AATK: variants seen among roughly 807,000 people sequenced by gnomAD.
AATK encodes serine/threonine-protein kinase LMTK1.
In AATK, 91 loss-of-function variants were observed where a neutral mutation model predicts 114.3. That is an observed-to-expected ratio of 0.80 (90% CI 0.67 to 0.95). AATK has a LOEUF of 0.95. Among genes scored for constraint, AATK ranks in the 40% least tolerant of loss-of-function variants. AATK has a pLI of 0.00. For synonymous variants in AATK, 1,075 were observed against 916.5 expected, an observed-to-expected ratio of 1.17 and a Z score of -3.12; for missense variants, 2,176 against 1,965.2, an observed-to-expected ratio of 1.11 and a Z score of -2.03.
intron 9 of AATK, among the ~76,000 whole-genome samples, chr17:81,124,503 C>T (rs774799308): frequency 1.3e-5 from 2 of 152,330 alleles, no homozygotes; most frequent in East Asian, 1.9e-4. Flanking sequence ...TGGCCCTGTA[C>T]GTATGCCTTG....
intron 1 of AATK, among the ~76,000 whole-genome samples, chr17:81,156,074 C>CTATGTTACAATG (rs539541751): frequency 4.2e-5 from 6 of 142,808 alleles, no homozygotes; most frequent in South Asian, 2.2e-4. Context: ...ATGTATGTTA[C>CTATGTTACAATG]TATGTTACAA....
At chr17:81,138,166 C>T (rs565586074) in intron 1 of AATK, among the ~76,000 whole-genome samples, 156 of 151,150 alleles carry the variant, frequency 1.0e-3, no homozygotes, top group African/African-American at 3.8e-3. Flanking sequence ...CACATGCACA[C>T]ACACACTTAC....
At chr17:81,141,062 C>T (rs1469558595) in intron 1 of AATK, among the ~76,000 whole-genome samples, 3 of 147,128 alleles carry the variant, frequency 2.0e-5, no homozygotes, top group Admixed American at 1.4e-4. Flanking sequence ...GCCGTGGGGC[C>T]GTGGGGGCTA....
At chr17:81,164,812 C>T (rs993594671) in intron 1 of AATK, among the ~76,000 whole-genome samples, 1 of 152,184 alleles carries the variant, frequency 6.6e-6, no homozygotes, top group African/African-American at 2.4e-5. Flanking sequence ...CAGGGACTTC[C>T]GAGCCCCAGG....
intron 1 of AATK, among the ~76,000 whole-genome samples, chr17:81,140,025 TTTTG>T (rs1419051968): frequency 1.3e-5 from 2 of 152,092 alleles, no homozygotes; most frequent in East Asian, 3.9e-4. Flanking sequence ...CTCTATTTCT[TTTTG>T]TTTTAGAGAT....
At chr17:81,127,737 G>T in intron 5 of AATK, 55 bp downstream of exon 5, 1 of 1,511,216 alleles carries the variant, frequency 6.6e-7, no homozygotes, top group Non-Finnish European at 9.0e-7. Context: ...GCCGAGCAGG[G>T]GAGGGAGAGG....
rs371422190 is a variant in AATK, at chr17:81,118,050, C to T, written c.*352G>A. 23 of 249,214 alleles carry T rather than the reference C, an allele frequency of 9.2e-5. No homozygotes were observed. Among genetic ancestry groups the T allele is most frequent in the African/African-American group, 1.6e-4 (7 of 44,788 alleles). The allele number at this position is 249,214 out of a possible 1,614,324, so 15.4% of individuals were successfully genotyped here. Reference sequence around the variant, plus strand: ...TGCCGGATGGGGCATGCGGGTCCTCCGAGGCCAGGCAGGCAGGGCAGAGGG... The same window carrying T: ...TGCCGGATGGGGCATGCGGGTCCTCTGAGGCCAGGCAGGCAGGGCAGAGGG... On this transcript the variant is annotated 3_prime_UTR_variant, in exon 14 of 14. Transcript: ENST00000326724.
At chr17:81,143,882 AC>A (rs1187950043) in intron 1 of AATK, among the ~76,000 whole-genome samples, 2 of 152,048 alleles carry the variant, frequency 1.3e-5, no homozygotes, top group Non-Finnish European at 2.9e-5. Flanking sequence ...TGCGGGCGTG[AC>A]CCCCACATGC....
intron 1 of AATK, among the ~76,000 whole-genome samples, chr17:81,137,767 C>G (rs1194203648): frequency 6.6e-6 from 1 of 151,844 alleles, no homozygotes; most frequent in Non-Finnish European, 1.5e-5. Flanking sequence ...TACAACCATA[C>G]GTGTGACCAT....
chr17:81,128,376 G>C (rs1277357208), intron 4 of AATK, 94 bp downstream of exon 4: 2 of 1,429,112 alleles, frequency 1.4e-6, no homozygotes, highest in Admixed American at 4.1e-5. Context: ...AGGGACCGTC[G>C]GGGCTGGGGT....
chr17:81,120,358 G>C lies in AATK; in HGVS notation c.3578C>G (p.Ala1193Gly). 6.2e-7 allele frequency: 1 copy of C among 1,609,650 alleles called. No individual in the cohort carries two copies. Among genetic ancestry groups the C allele is most frequent in the Non-Finnish European group, 8.5e-7 (1 of 1,178,972 alleles). Residue 1193 changes from alanine to glycine, a missense_variant, in exon 11 of 14, where the codon GCG becomes GGG. Transcript: ENST00000326724. The part of the protein sequence containing the change: ...PSEDSEEEAP[A>G]VPVVVAESQS... Reference sequence around the variant, plus strand: ...GCTCTCAGCCACCACCACGGGCACCGCCGGCGCCTCCTCTTCGCTGTCCTC... The same window carrying C: ...GCTCTCAGCCACCACCACGGGCACCCCCGGCGCCTCCTCTTCGCTGTCCTC...
intron 1 of AATK, among the ~76,000 whole-genome samples, chr17:81,150,826 TC>T (rs984001196): frequency 6.6e-6 from 1 of 152,148 alleles, no homozygotes; most frequent in African/African-American, 2.4e-5. Context: ...GGGTCCCCTT[TC>T]CCCCGTCTGG....
intron 2 of AATK, among the ~76,000 whole-genome samples, chr17:81,133,637 G>A (rs1207395460): frequency 4.6e-5 from 7 of 152,216 alleles, no homozygotes; most frequent in African/African-American, 1.7e-4. Context: ...CTGGGAGGGG[G>A]AGGCGATGCT....
chr17:81,124,552 G>T (rs2060768144), intron 9 of AATK, among the ~76,000 whole-genome samples, 175 bp downstream of exon 9: 1 of 152,196 alleles, frequency 6.6e-6, no homozygotes. Flanking sequence ...TGTCAGGGTG[G>T]TATCTCCCCC....
Position 81,131,136 on chromosome 17 carries a change from G to T in AATK, c.259C>A (p.Gln87Lys), listed in dbSNP as rs1283570922. 2 of 1,572,108 alleles carry T rather than the reference G, an allele frequency of 1.3e-6. No homozygotes were observed. Among genetic ancestry groups the T allele is most frequent in the Admixed American group, 1.8e-5 (1 of 54,976 alleles). Residue 87 changes from glutamine (Q) to lysine (K), a missense_variant, in exon 3 of 14, where the codon CAG becomes AAG. Transcript: ENST00000326724. ...AGGACGTACACGTCGGGCCCGTTCT[G>T]TGCTGCCGTGGCCGGGGAGCCCTGC... The part of the protein sequence containing the change: ...LAQGSPATAA[Q>K]NGPDVYVLPL...
chr17:81,131,992 C>A, intron 2 of AATK: 2 of 1,315,162 alleles, frequency 1.5e-6, no homozygotes, highest in East Asian at 1.1e-4. Context: ...GAGCCTGGCC[C>A]CGTGCAGCCT....
chr17:81,152,959 C>T (rs571144687), intron 1 of AATK, among the ~76,000 whole-genome samples: 1 of 152,062 alleles, frequency 6.6e-6, no homozygotes, highest in Non-Finnish European at 1.5e-5. Flanking sequence ...TCTCTCGCCT[C>T]AGTCTCCCGA....
chr17:81,163,773 C>T (rs1598235838), intron 1 of AATK, among the ~76,000 whole-genome samples: 1 of 152,264 alleles, frequency 6.6e-6, no homozygotes, highest in Non-Finnish European at 1.5e-5. Flanking sequence ...TCTCTGCCCC[C>T]TGTACCACCA....
Position 81,122,247 on chromosome 17 carries a change from G to C in AATK, c.1689C>G (p.Asp563Glu), listed in dbSNP as rs1297962054. 14 of 1,494,228 alleles carry C rather than the reference G, an allele frequency of 9.4e-6. No individual in the cohort carries two copies. In the East Asian group the frequency reaches 3.3e-4, roughly 35 times the overall value. 92.6% of individuals were successfully genotyped at this position (1,494,228 alleles called of 1,614,324 possible). The change falls in exon 11 of 14, where the codon GAC becomes GAG. Residue 563 changes from aspartate to glutamate, a missense_variant. This residue lies in a region of AATK where 1,701 missense variants were observed against 1,394.7 expected (regional missense o/e 1.22). Coordinates refer to ENST00000326724, the MANE Select transcript of AATK (RefSeq NM_001080395.3). ...GCGAGGCGGCGGTGCTGCCGTCAGA[G>C]TCGTCGTCCTGGTCCGCGGTGGCAG... ...SPPATADQDD[D>E]SDGSTAASLA...
Sources: gnomAD v4.1 joint callset for allele counts (sites outside exome capture counted in the v4.1 genomes callset) on GRCh38, gnomAD v4.1.1 for gene constraint, gnomAD v4.1.1 regional missense constraint, MANE v1.5 for transcripts, NCBI Gene and HGNC (gene_info 2026-07-23, HGNC 2026-07-21) for gene names.